TIAM1: variants seen among roughly 807,000 people sequenced by gnomAD.
The protein encoded by TIAM1 is rho guanine nucleotide exchange factor TIAM1.
Under a neutral mutation model 163.5 loss-of-function variants are expected in TIAM1, and 65 were observed. That is an observed-to-expected ratio of 0.40 (90% confidence interval 0.33 to 0.49). The LOEUF is 0.49. Ranked by LOEUF, TIAM1 falls within the 20% of genes least tolerant of loss-of-function variation. The pLI is 0.77. For synonymous variants in TIAM1, 833 were observed against 810.1 expected, an observed-to-expected ratio of 1.03 and a Z score of -0.48; for missense variants, 1,789 against 2,044.7, an observed-to-expected ratio of 0.87 and a Z score of 2.41.
intron 11 of TIAM1, among the ~76,000 whole-genome samples, 197 bp from the exon 12 acceptor site, chr21:31,203,209 G>C (rs1427011342): frequency 2.0e-5 from 3 of 152,120 alleles, no homozygotes; most frequent in Non-Finnish European, 4.4e-5. Context: ...TGCAACCTTC[G>C]CCTCCTGGGT....
chr21:31,263,024 C>T (rs1365786813), intron 4 of TIAM1, among the ~76,000 whole-genome samples: 3 of 152,142 alleles, frequency 2.0e-5, no homozygotes, highest in Non-Finnish European at 4.4e-5. Flanking sequence ...CTGTTTGGAA[C>T]ATAGTGGGCT....
chr21:31,546,333 C>T (rs1379576434), intron 1 of TIAM1, among the ~76,000 whole-genome samples: 2 of 151,866 alleles, frequency 1.3e-5, no homozygotes, highest in African/African-American at 2.4e-5. Context: ...AGGCAGATCA[C>T]GAGGTCAGGA....
intron 2 of TIAM1, among the ~76,000 whole-genome samples, chr21:31,321,860 C>G (rs1395472124): frequency 6.6e-6 from 1 of 151,690 alleles, no homozygotes; most frequent in East Asian, 2.0e-4. Flanking sequence ...CAAGACCAGC[C>G]TGGCCAAAAT....
At chr21:31,328,650 G>A (rs935307858) in intron 2 of TIAM1, among the ~76,000 whole-genome samples, 10 of 151,886 alleles carry the variant, frequency 6.6e-5, no homozygotes, top group South Asian at 4.2e-4. Flanking sequence ...CGATCAACCC[G>A]TCATCTAGGT....
intron 2 of TIAM1, among the ~76,000 whole-genome samples, chr21:31,425,735 C>A (rs979933731): frequency 3.3e-5 from 5 of 149,936 alleles, no homozygotes; most frequent in Non-Finnish European, 7.4e-5. Flanking sequence ...CTCGCTCTGT[C>A]GCCCAGGCTG....
intron 1 of TIAM1, among the ~76,000 whole-genome samples, chr21:31,484,737 T>A (rs2046219081): frequency 6.6e-6 from 1 of 152,196 alleles, no homozygotes; most frequent in South Asian, 2.1e-4. Context: ...CATCTTCACG[T>A]TCTGAGGCTC....
intron 1 of TIAM1, among the ~76,000 whole-genome samples, chr21:31,546,958 TG>T (rs35193144): frequency 4.0e-5 from 6 of 151,146 alleles, no homozygotes; most frequent in East Asian, 2.0e-4. Context: ...CCCAAAATAG[TG>T]GGGGGGGGCT....
At chr21:31,472,204 G>A (rs967259307) in intron 1 of TIAM1, among the ~76,000 whole-genome samples, 10 of 152,082 alleles carry the variant, frequency 6.6e-5, no homozygotes, top group Admixed American at 6.6e-4. Flanking sequence ...GTTTCTGTGA[G>A]GTTTAAATAA....
Position 31,409,390 on chromosome 21 carries a change from G to A in TIAM1, c.-369+54593C>T, listed in dbSNP as rs141276358. Among the ~76,000 whole-genome samples, 269 of 152,142 alleles carry A rather than the reference G, an allele frequency of 1.8e-3. 1 individual carries two copies. The highest frequency in any genetic ancestry group is 6.1e-3 in the African/African-American group (254 of 41,516). ...CCCAAAGTGTCGGGATTACAGGCGT[G>A]AGCCACCACACCCAGCCAGACCTTC... On this transcript the variant is annotated intron_variant, in intron 2 of 28. Coordinates refer to the TIAM1 transcript ENST00000286827.
At chr21:31,405,061 G>A (rs1602200142) in intron 2 of TIAM1, among the ~76,000 whole-genome samples, 1 of 150,418 alleles carries the variant, frequency 6.6e-6, no homozygotes, top group Admixed American at 6.6e-5. Context: ...GGGCGAGAGA[G>A]TGAGACCCCC....
intron 1 of TIAM1, among the ~76,000 whole-genome samples, chr21:31,512,597 G>A (rs1446756053): frequency 6.8e-6 from 1 of 146,746 alleles, no homozygotes; most frequent in African/African-American, 2.5e-5. Context: ...AGACAGTCCT[G>A]TCTTTTTCTT....
intron 2 of TIAM1, among the ~76,000 whole-genome samples, chr21:31,297,604 G>A (rs372252697): frequency 2.0e-5 from 3 of 152,074 alleles, no homozygotes; most frequent in Admixed American, 1.3e-4. Context: ...GGCTGGTTTC[G>A]AACTCCCGAC....
chr21:31,199,157 T>C (rs1030837556), intron 12 of TIAM1, among the ~76,000 whole-genome samples: 5 of 152,070 alleles, frequency 3.3e-5, no homozygotes, highest in Non-Finnish European at 7.4e-5. Flanking sequence ...GGCTCTTGAG[T>C]TCTCACAAAA....
At chr21:31,124,747 A>C in intron 26 of TIAM1, 53 bp from the exon 27 acceptor site, 1 of 1,462,092 alleles carries the variant, frequency 6.8e-7, no homozygotes, top group South Asian at 1.4e-5. Context: ...ACACATGGGG[A>C]ACTTCTAAGG....
chr21:31,402,509 C>A (rs1436648381), intron 2 of TIAM1, among the ~76,000 whole-genome samples: 1 of 152,146 alleles, frequency 6.6e-6, no homozygotes, highest in African/African-American at 2.4e-5. Context: ...CCCGCACAAC[C>A]CTGGCCGTCC....
chr21:31,414,427 G>T (rs1370154101), intron 2 of TIAM1, among the ~76,000 whole-genome samples: 1 of 152,192 alleles, frequency 6.6e-6, no homozygotes, highest in East Asian at 1.9e-4. Context: ...CTCTCAGAAT[G>T]AATCAGCCAC....
chr21:31,364,174 T>G (rs1001132217), intron 2 of TIAM1, among the ~76,000 whole-genome samples: 2 of 152,192 alleles, frequency 1.3e-5, no homozygotes, highest in Non-Finnish European at 2.9e-5. Context: ...AGTAACTGCA[T>G]GGTGAGCTTC....
In TIAM1 at chr21:31,119,471, A is replaced by C. The variant is rs1057276118; in HGVS notation, c.*897T>G. On this transcript the variant is annotated 3_prime_UTR_variant, in exon 28 of 28. Coordinates refer to ENST00000541036, the MANE Select transcript of TIAM1 (RefSeq NM_001353694.2). ...CATCTCAAATATAGATTCAAACATT[A>C]AAAAAAAAAAATCCGCTTTTTGGAA... is the stretch of plus-strand genomic sequence containing the variant. 9.6e-5 allele frequency: 5 copies of C among 52,080 alleles called. No individual in the cohort carries two copies. The highest frequency in any genetic ancestry group is 2.3e-4 in the African/African-American group (5 of 21,352). 3.2% of individuals were successfully genotyped at this position (52,080 alleles called of 1,614,324 possible).
intron 2 of TIAM1, among the ~76,000 whole-genome samples, chr21:31,442,070 A>AATAAATATATATATATAT (rs370046459): frequency 3.0e-4 from 16 of 53,226 alleles, no homozygotes; most frequent in African/African-American, 6.7e-4. Flanking sequence ...CAAATAAATA[A>AATAAATATATATATATAT]ATATATATAT....
Sources: allele counts gnomAD v4.1 joint callset (sites outside exome capture counted in the v4.1 genomes callset), GRCh38; gene constraint gnomAD v4.1.1; transcripts MANE v1.5; gene names NCBI Gene and HGNC (gene_info 2026-07-23, HGNC 2026-07-21).